Variants in NUP54 observed in about 807,000 individuals in gnomAD.
The protein encoded by NUP54 is nucleoporin 54.
In NUP54, 27 loss-of-function variants were observed where a neutral mutation model predicts 66.4. The ratio of observed to expected loss-of-function variants is 0.41; its 90% confidence interval spans 0.30 to 0.56. The LOEUF is 0.56. NUP54 is among the 20% of genes least tolerant of loss of function. The pLI is 0.34. For synonymous variants in NUP54, 206 were observed against 210.7 expected, an observed-to-expected ratio of 0.98 and a Z score of 0.19; for missense variants, 486 against 596.3, an observed-to-expected ratio of 0.82 and a Z score of 1.93.
intron 9 of NUP54, 32 bp downstream of exon 9, chr4:76,124,617 T>C (rs755059961): frequency 5.1e-6 from 5 of 976,448 alleles, no homozygotes; most frequent in South Asian, 1.3e-5. Context: ...CATAGTCTTA[T>C]AAACACTGGG....
intron 1 of NUP54, among the ~76,000 whole-genome samples, chr4:76,146,945 T>C (rs1384228134): frequency 6.6e-6 from 1 of 152,220 alleles, no homozygotes; most frequent in African/African-American, 2.4e-5. Context: ...TTACAAATCT[T>C]ATAGAAATTA....
intron 9 of NUP54, among the ~76,000 whole-genome samples, chr4:76,120,900 A>G (rs1730207455): frequency 6.6e-6 from 1 of 152,174 alleles, no homozygotes; most frequent in East Asian, 1.9e-4. Flanking sequence ...ATCTCTTTGT[A>G]TAATATGAAT....
At chr4:76,128,867 T>TG (rs1044319792) in intron 8 of NUP54, among the ~76,000 whole-genome samples, 1 of 152,162 alleles carries the variant, frequency 6.6e-6, no homozygotes, top group African/African-American at 2.4e-5. Context: ...CACTCATATG[T>TG]GGAAGCTAAA....
At chr4:76,136,669 C>A (rs4624679) in intron 3 of NUP54, among the ~76,000 whole-genome samples, 103,314 of 152,024 alleles carry the variant, frequency 0.68, 36,879 homozygotes, top group East Asian at 0.98. Context: ...TGGAAGAGTG[C>A]GCTCAGAGTC....
chr4:76,115,255 CAAGA>C lies in NUP54; in HGVS notation c.*107_*110del, dbSNP rs1729897294. 1 of 1,009,814 alleles carries C rather than the reference CAAGA, an allele frequency of 9.9e-7. No homozygotes were observed. Among genetic ancestry groups the C allele is most frequent in the Non-Finnish European group, 1.3e-6 (1 of 743,412 alleles). 62.6% of individuals were successfully genotyped at this position (1,009,814 alleles called of 1,614,324 possible). On this transcript the variant is annotated 3_prime_UTR_variant, in exon 12 of 12. Transcript: ENST00000264883. ...CAGTAAACTTCTCAAAAAACCAATC[CAAGA>C]AAGAATTGTTTTCTTTTTCCCTCCA...
chr4:76,145,877 CAA>C, intron 1 of NUP54: 1 of 271,930 alleles, frequency 3.7e-6, no homozygotes, highest in South Asian at 3.5e-5. Flanking sequence ...GAAAACTACT[CAA>C]GAGTAAGCTG....
rs749189335 is a variant in NUP54 at position 76,117,809 on chromosome 4, G to A, written c.1285-35C>T. ...AAGACTGAGTCAAATTACAACTGCC[G>A]ACGAAGACTTGTAAAAGACAATGTT... On this transcript the variant is annotated intron_variant, in intron 10 of 11. Transcript: ENST00000264883. 47 of 1,487,486 alleles carry A rather than the reference G, an allele frequency of 3.2e-5. 1 individual carries two copies. The highest frequency in any genetic ancestry group is 2.1e-4 in the South Asian group (18 of 87,514). The allele number at this position is 1,487,486 out of a possible 1,614,324, so 92.1% of individuals were successfully genotyped here.
chr4:76,147,208 T>G (rs1731541286), intron 1 of NUP54, among the ~76,000 whole-genome samples: 1 of 147,282 alleles, frequency 6.8e-6, no homozygotes, highest in Non-Finnish European at 1.5e-5. Context: ...CCTAATAATT[T>G]TAAAGATCTA....
chr4:76,129,374 T>C (rs913166011), intron 8 of NUP54, among the ~76,000 whole-genome samples: 1 of 151,944 alleles, frequency 6.6e-6, no homozygotes, highest in Non-Finnish European at 1.5e-5. Flanking sequence ...AACTGAGAAA[T>C]GAAAGGAGAA....
chr4:76,125,258 CAA>C, intron 8 of NUP54, among the ~76,000 whole-genome samples: 1 of 150,290 alleles, frequency 6.7e-6, no homozygotes, highest in East Asian at 2.1e-4. Flanking sequence ...CCAGCCTGGG[CAA>C]CAGAGTGAAA....
In NUP54 at chr4:76,118,356, CAA is replaced by C; in HGVS notation, c.1165-164_1165-163del. ...TATGTTTCTGTCCATTTTAACTAGGCAAAAGTTATCATATAAATACAATGATA... is the reference window on the plus strand; with the variant it reads ...TATGTTTCTGTCCATTTTAACTAGGCAAGTTATCATATAAATACAATGATA... On this transcript the variant is annotated intron_variant, in intron 9 of 11. Coordinates refer to ENST00000264883, the MANE Select transcript of NUP54 (RefSeq NM_017426.4). The C allele has an allele frequency of 9.6e-6, 6 of 628,224 alleles. No individual in the cohort carries two copies. The South Asian group carries it at 1.1e-4, about 12-fold the overall frequency. The allele number at this position is 628,224 out of a possible 1,614,324, so 38.9% of individuals were successfully genotyped here.
intron 9 of NUP54, among the ~76,000 whole-genome samples, chr4:76,118,978 C>G (rs182473956): frequency 1.3e-5 from 2 of 152,132 alleles, no homozygotes; most frequent in East Asian, 3.9e-4. Context: ...TGCACTCCAG[C>G]CTGGGCAACA....
intron 8 of NUP54, among the ~76,000 whole-genome samples, chr4:76,125,830 G>A (rs1730506476): frequency 1.9e-5 from 1 of 52,832 alleles, no homozygotes. Flanking sequence ...GAGAAAGGGG[G>A]AGAGAGGGAG....
chr4:76,141,248 G>C (rs1474236368), intron 3 of NUP54, among the ~76,000 whole-genome samples: 2 of 152,146 alleles, frequency 1.3e-5, no homozygotes, highest in African/African-American at 4.8e-5. Context: ...ACTTGGCTTG[G>C]GGATAGGAGA....
intron 10 of NUP54, 145 bp from the exon 11 acceptor site, chr4:76,117,919 G>A: frequency 1.0e-6 from 1 of 985,986 alleles, no homozygotes; most frequent in South Asian, 1.6e-5. Flanking sequence ...ACTAATACTA[G>A]CCAAAAGAAC....
chr4:76,115,218 ACAGTAATTTGT>A lies in NUP54; in HGVS notation c.*137_*147del, dbSNP rs1311413142. The stretch of plus-strand genomic sequence containing the variant: ...GAGGTGACTATTTCAGATTTGATGA[ACAGTAATTTGT>A]CAGTAAACTTCTCAAAAAACCAATC... On this transcript the variant is annotated 3_prime_UTR_variant, in exon 12 of 12. Transcript: ENST00000264883. 2 of 577,196 alleles carry A rather than the reference ACAGTAATTTGT, an allele frequency of 3.5e-6. No homozygotes were observed. The highest frequency in any genetic ancestry group is 6.7e-5 in the East Asian group (2 of 29,722). The allele number at this position is 577,196 out of a possible 1,614,324, so 35.8% of individuals were successfully genotyped here.
intron 4 of NUP54, among the ~76,000 whole-genome samples, chr4:76,134,687 G>C (rs894730667): frequency 1.3e-5 from 2 of 151,730 alleles, no homozygotes; most frequent in South Asian, 4.2e-4. Flanking sequence ...CATTATAAAA[G>C]TGACTGCAAA....
chr4:76,119,797 G>A (rs901113202), intron 9 of NUP54, among the ~76,000 whole-genome samples: 3 of 152,088 alleles, frequency 2.0e-5, no homozygotes, highest in Non-Finnish European at 4.4e-5. Flanking sequence ...GTTAAAAACA[G>A]TGCAAATCCT....
intron 8 of NUP54, among the ~76,000 whole-genome samples, chr4:76,125,439 G>A (rs923551754): frequency 6.6e-6 from 1 of 151,340 alleles, no homozygotes; most frequent in African/African-American, 2.4e-5. Context: ...TTTGAGACAA[G>A]CTTGGGCAAA....
Sources: allele counts gnomAD v4.1 joint callset (sites outside exome capture counted in the v4.1 genomes callset), GRCh38; gene constraint gnomAD v4.1.1; transcripts MANE v1.5; gene names NCBI Gene and HGNC (gene_info 2026-07-23, HGNC 2026-07-21).